The following HGD variants were observed in gnomAD, a reference collection of about 807,000 sequenced individuals.
The protein encoded by HGD is homogentisate oxidase.
A neutral mutation model predicts 60.8 loss-of-function variants in HGD; 61 were observed. That is an observed-to-expected ratio of 1.00 (90% confidence interval 0.82 to 1.24). HGD has a LOEUF of 1.24. Ranked by LOEUF, HGD falls within the 50% of genes most tolerant of loss-of-function variation. The probability of loss-of-function intolerance (pLI) is 0.00; values close to 1 mark genes in which losing one functional copy is unlikely to be tolerated. For synonymous variants in HGD, 212 were observed against 187.7 expected (o/e 1.13, Z -1.06); for missense variants, 542 against 547.1 (o/e 0.99, Z 0.09).
chr3:120,646,229 T>A (rs757347455), intron 9 of HGD, 38 bp downstream of exon 9: 3 of 1,236,600 alleles, frequency 2.4e-6, no homozygotes, highest in Admixed American at 1.7e-5. Context: ...GAGTCCTACA[T>A]CTCAAGCGAG....
intron 9 of HGD, among the ~76,000 whole-genome samples, chr3:120,645,322 C>T (rs1352399513): frequency 1.3e-5 from 2 of 152,326 alleles, no homozygotes; most frequent in Middle Eastern, 3.4e-3. Context: ...CCTTCCTCTG[C>T]ATATTTGGAT....
At chr3:120,629,372 T>C (rs1940514445) in intron 13 of HGD, among the ~76,000 whole-genome samples, 1 of 152,196 alleles carries the variant, frequency 6.6e-6, no homozygotes, top group Non-Finnish European at 1.5e-5. Flanking sequence ...AGAATTATCT[T>C]GTGCTACAAC....
chr3:120,643,366 C>T (rs557983488), intron 10 of HGD, among the ~76,000 whole-genome samples: 166 of 152,292 alleles, frequency 1.1e-3, no homozygotes, highest in African/African-American at 3.3e-3. Context: ...TCAGGTGATC[C>T]GCCTGCCTTG....
intron 5 of HGD, 67 bp from the exon 6 acceptor site, chr3:120,650,932 G>T: frequency 1.7e-6 from 2 of 1,157,484 alleles, no homozygotes; most frequent in South Asian, 1.2e-5. Context: ...CCCTTCCACT[G>T]GTCCCTGAGG....
chr3:120,644,646 C>T, intron 9 of HGD: 1 of 1,520,434 alleles, frequency 6.6e-7, no homozygotes, highest in Non-Finnish European at 8.8e-7. Context: ...TCACAAAAAC[C>T]AGCATTACTT....
chr3:120,650,929 A>T, intron 5 of HGD, 64 bp from the exon 6 acceptor site: 2 of 1,245,468 alleles, frequency 1.6e-6, no homozygotes, highest in South Asian at 2.4e-5. Context: ...CAGCCCTTCC[A>T]CTGGTCCCTG....
intron 12 of HGD, among the ~76,000 whole-genome samples, chr3:120,634,954 C>T (rs1940711917): frequency 6.6e-6 from 1 of 152,168 alleles, no homozygotes; most frequent in African/African-American, 2.4e-5. Context: ...CATAAATTGT[C>T]TATGTTTTAA....
At chr3:120,650,047 T>C (rs190495399) in intron 6 of HGD, among the ~76,000 whole-genome samples, 3,222 of 152,240 alleles carry the variant, frequency 0.021, 47 homozygotes, top group Middle Eastern at 0.041. Context: ...AGTGTTTGTG[T>C]AAAATGGAAA....
intron 4 of HGD, among the ~76,000 whole-genome samples, chr3:120,669,768 A>G (rs1316613340): frequency 1.3e-5 from 2 of 152,164 alleles, no homozygotes; most frequent in East Asian, 3.9e-4. Flanking sequence ...ATCTCTCAGA[A>G]CCTATCCTGG....
intron 4 of HGD, among the ~76,000 whole-genome samples, chr3:120,661,563 T>G (rs1275629134): frequency 6.6e-6 from 1 of 152,206 alleles, no homozygotes; most frequent in Non-Finnish European, 1.5e-5. Context: ...GGAAGAGAAA[T>G]GTAAATAGAA....
At chr3:120,673,876 C>T (rs2236992) in intron 3 of HGD, among the ~76,000 whole-genome samples, 65,593 of 151,972 alleles carry the variant, frequency 0.43, 15,189 homozygotes, top group African/African-American at 0.6. Context: ...AAATAGGTAC[C>T]ATAATTATCT....
At position 120,682,209 on chromosome 3, in the gene HGD, T is replaced by C. The variant is rs1158233923; in HGVS notation, c.-98A>G. On this transcript the variant is annotated 5_prime_UTR_variant, in exon 1 of 14. Coordinates refer to ENST00000283871, the MANE Select transcript of HGD (RefSeq NM_000187.4). ...CTCCTTCAAACCACTCTTTGGATAT[T>C]CCGGTTCCCACTGCTTCACTGCGCT... 1.6e-6 allele frequency: 2 copies of C among 1,229,026 alleles called. No homozygotes were observed. The highest frequency in any genetic ancestry group is 3.0e-5 in the African/African-American group (2 of 67,430). 76.1% of individuals were successfully genotyped at this position (1,229,026 alleles called of 1,614,324 possible). A position where few individuals can be genotyped will look rare whatever the true frequency, so the allele number is the denominator to read the frequency against.
At chr3:120,632,802 A>G (rs559477624) in intron 13 of HGD, among the ~76,000 whole-genome samples, 1 of 152,326 alleles carries the variant, frequency 6.6e-6, no homozygotes, top group East Asian at 1.9e-4. Flanking sequence ...GTTAACTCAT[A>G]GCCATCTGCT....
intron 10 of HGD, among the ~76,000 whole-genome samples, chr3:120,643,227 G>A (rs776488118): frequency 3.9e-5 from 6 of 152,120 alleles, no homozygotes; most frequent in South Asian, 2.1e-4. Context: ...GGGTTCAAGC[G>A]ATTCTCCTGC....
Position 120,641,573 on chromosome 3 carries a change from C to G in HGD, c.879+16G>C. 1.1e-5 allele frequency: 17 copies of G among 1,564,094 alleles called. No individual in the cohort carries two copies. Among genetic ancestry groups the G allele is most frequent in the Non-Finnish European group, 1.3e-5 (15 of 1,134,546 alleles). On this transcript the variant is annotated intron_variant, in intron 11 of 13. Transcript: ENST00000283871. Reference sequence around the variant, plus strand: ...GCGTTGCCTCATCCCAAGGCCCCTACAGGGTTCAGACTTACTGCATGGTCA... The same window carrying G: ...GCGTTGCCTCATCCCAAGGCCCCTAGAGGGTTCAGACTTACTGCATGGTCA...
At chr3:120,631,734 G>C (rs529222013) in intron 13 of HGD, among the ~76,000 whole-genome samples, 2 of 152,278 alleles carry the variant, frequency 1.3e-5, no homozygotes, top group East Asian at 3.9e-4. Flanking sequence ...TTATATAATG[G>C]GAAATGGTGA....
intron 11 of HGD, 60 bp downstream of exon 11, chr3:120,641,529 G>T: frequency 1.0e-6 from 1 of 995,102 alleles, no homozygotes; most frequent in Non-Finnish European, 1.6e-6. Flanking sequence ...GGGGTCTACT[G>T]TGGACCCCTC....
intron 4 of HGD, 116 bp downstream of exon 4, chr3:120,670,311 T>C (rs575944044): frequency 9.6e-6 from 7 of 725,562 alleles, no homozygotes; most frequent in Non-Finnish European, 1.3e-5. Context: ...TAGCATTTAT[T>C]AAAATAATAC....
chr3:120,628,244 A>G lies in HGD; in HGVS notation c.*136T>C, dbSNP rs1024260956. On this transcript the variant is annotated 3_prime_UTR_variant, in exon 14 of 14. Transcript: ENST00000283871. ...AGAACTTTGCAAATGCGTTTCCATA[A>G]AAGTTCTGAGTTACTTGACTATGAA... The G allele has an allele frequency of 1.3e-5, 13 of 983,824 alleles. No individual in the cohort carries two copies. Among genetic ancestry groups the G allele is most frequent in the Non-Finnish European group, 2.1e-5 (13 of 626,560 alleles). 60.9% of individuals were successfully genotyped at this position (983,824 alleles called of 1,614,324 possible).
Sources: allele counts gnomAD v4.1 joint callset (sites outside exome capture counted in the v4.1 genomes callset), GRCh38; gene constraint gnomAD v4.1.1; transcripts MANE v1.5; gene names NCBI Gene and HGNC (gene_info 2026-07-23, HGNC 2026-07-21).